The following PTPRT variants were observed in gnomAD, a reference collection of about 807,000 sequenced individuals.
The protein encoded by PTPRT is protein tyrosine phosphatase receptor type T.
In PTPRT, 56 loss-of-function variants were observed where a neutral mutation model predicts 176.8. The ratio of observed to expected loss-of-function variants is 0.32; its 90% confidence interval spans 0.26 to 0.40. PTPRT has a LOEUF of 0.40. Ranked by LOEUF, PTPRT falls within the 10% of genes least tolerant of loss-of-function variation. The pLI, the probability that PTPRT is intolerant of heterozygous loss-of-function variation, is 1.00. For missense variants in PTPRT, 1,540 were observed against 1,908.2 expected, an observed-to-expected ratio of 0.81 and a Z score of 3.60; for synonymous variants, 783 against 739.0, an observed-to-expected ratio of 1.06 and a Z score of -0.96.
chr20:42,874,450 G>T (rs998251907), intron 2 of PTPRT, among the ~76,000 whole-genome samples: 2 of 151,754 alleles, frequency 1.3e-5, no homozygotes, highest in Non-Finnish European at 2.9e-5. Context: ...CAAAAAAAAA[G>T]TTTTCGGGCA....
intron 1 of PTPRT, among the ~76,000 whole-genome samples, chr20:43,057,285 AGGGGAGGGGAGGGG>A (rs1987279617): frequency 1.3e-5 from 1 of 78,292 alleles, no homozygotes; most frequent in Non-Finnish European, 2.4e-5. Flanking sequence ...AAGGGGGGGA[AGGGGAGGGGAGGGG>A]GGAAGGAATG....
chr20:42,528,022 A>T (rs561094050), intron 7 of PTPRT, among the ~76,000 whole-genome samples: 2 of 152,242 alleles, frequency 1.3e-5, no homozygotes, highest in African/African-American at 4.8e-5. Context: ...TCATAGGCCA[A>T]GGATGAAATC....
At chr20:42,421,264 G>A (rs907118747) in intron 9 of PTPRT, among the ~76,000 whole-genome samples, 16 of 117,720 alleles carry the variant, frequency 1.4e-4, no homozygotes, top group Middle Eastern at 4.2e-3. Flanking sequence ...ACGCACGCAC[G>A]CACACACACA....
intron 7 of PTPRT, among the ~76,000 whole-genome samples, chr20:42,520,606 T>C (rs1199317163): frequency 1.3e-5 from 2 of 152,216 alleles, no homozygotes; most frequent in East Asian, 1.9e-4. Context: ...TACAGGGTCA[T>C]TGCATCTACA....
intron 1 of PTPRT, among the ~76,000 whole-genome samples, chr20:42,921,703 T>A (rs1415280636): frequency 6.6e-6 from 1 of 152,194 alleles, no homozygotes; most frequent in Non-Finnish European, 1.5e-5. Context: ...AATTCTGTAA[T>A]CTATAGCGGC....
chr20:42,465,662 T>G (rs2071090783), intron 8 of PTPRT, among the ~76,000 whole-genome samples: 1 of 152,186 alleles, frequency 6.6e-6, no homozygotes, highest in Non-Finnish European at 1.5e-5. Context: ...CAGAAAGGAA[T>G]GAAAATAGCT....
rs2146077593 is a variant in PTPRT at position 42,079,261 on chromosome 20, C to G, written c.*1618G>C. ...CTGCGCTTCCCAGAAGAACTGGCAT[C>G]AGGAAGAAAGTACTAAATTTCCATT... On this transcript the variant is annotated 3_prime_UTR_variant, in exon 31 of 31. Coordinates refer to ENST00000373187, the MANE Select transcript of PTPRT (RefSeq NM_007050.6). The G allele has an allele frequency of 4.8e-6, 1 of 208,060 alleles. No individual in the cohort carries two copies. The highest frequency in any genetic ancestry group is 1.9e-4 in the South Asian group (1 of 5,280). The allele number at this position is 208,060 out of a possible 1,614,324, so 12.9% of individuals were successfully genotyped here. A position where few individuals can be genotyped will look rare whatever the true frequency, so the allele number is the denominator to read the frequency against.
chr20:42,929,109 C>T (rs1382218920), intron 1 of PTPRT, among the ~76,000 whole-genome samples: 1 of 152,206 alleles, frequency 6.6e-6, no homozygotes, highest in South Asian at 2.1e-4. Flanking sequence ...GAAGGAAGTT[C>T]GGACACATGT....
chr20:43,101,509 T>A (rs2012390927), intron 1 of PTPRT, among the ~76,000 whole-genome samples: 1 of 152,156 alleles, frequency 6.6e-6, no homozygotes, highest in African/African-American at 2.4e-5. Context: ...ATAGCTCTAA[T>A]GATTAAATGA....
At chr20:42,810,479 G>A (rs1461587602) in intron 2 of PTPRT, among the ~76,000 whole-genome samples, 1 of 152,158 alleles carries the variant, frequency 6.6e-6, no homozygotes, top group African/African-American at 2.4e-5. Context: ...CTATGGGACT[G>A]GTCTGGTCAG....
At chr20:42,094,762 C>T (rs1347145564) in intron 27 of PTPRT, among the ~76,000 whole-genome samples, 3 of 152,094 alleles carry the variant, frequency 2.0e-5, no homozygotes, top group African/African-American at 7.2e-5. Context: ...TGGTGGCTCA[C>T]CCCTGTAATC....
At chr20:42,634,042 T>A (rs1314344299) in intron 7 of PTPRT, among the ~76,000 whole-genome samples, 3 of 28,124 alleles carry the variant, frequency 1.1e-4, no homozygotes, top group African/African-American at 6.3e-4. Context: ...TTATATATAT[T>A]ATATATATAT....
intron 1 of PTPRT, among the ~76,000 whole-genome samples, chr20:43,006,820 A>AGCACT (rs1984877446): frequency 6.6e-6 from 1 of 152,186 alleles, no homozygotes; most frequent in Admixed American, 6.5e-5. Flanking sequence ...TGAGAAGTCT[A>AGCACT]GCACTTGGGC....
At chr20:42,377,874 A>G (rs1227674893) in intron 9 of PTPRT, among the ~76,000 whole-genome samples, 1 of 152,248 alleles carries the variant, frequency 6.6e-6, no homozygotes, top group African/African-American at 2.4e-5. Flanking sequence ...CACAAAAATA[A>G]CACTATAGGA....
intron 9 of PTPRT, among the ~76,000 whole-genome samples, chr20:42,366,517 A>G (rs2058516781): frequency 1.3e-5 from 2 of 150,962 alleles, no homozygotes; most frequent in Non-Finnish European, 3.0e-5. Context: ...GTCATTGACC[A>G]CTCTGCCCTC....
intron 6 of PTPRT, among the ~76,000 whole-genome samples, chr20:42,729,500 G>A (rs542144947): frequency 6.6e-5 from 10 of 152,320 alleles, no homozygotes; most frequent in South Asian, 2.1e-4. Context: ...GTCAGCTCTC[G>A]CTGCATGCAA....
intron 2 of PTPRT, among the ~76,000 whole-genome samples, chr20:42,795,350 C>A (rs537613186): frequency 6.6e-6 from 1 of 152,140 alleles, no homozygotes; most frequent in Admixed American, 6.5e-5. Flanking sequence ...CCTTGATAAG[C>A]GCCTCGTTAT....
intron 27 of PTPRT, among the ~76,000 whole-genome samples, chr20:42,087,678 A>G (rs1452008937): frequency 6.6e-6 from 1 of 150,968 alleles, no homozygotes; most frequent in African/African-American, 2.4e-5. Context: ...GTTCGAGACC[A>G]GCTTGGCCAA....
At chr20:43,019,902 G>C (rs974628058) in intron 1 of PTPRT, among the ~76,000 whole-genome samples, 9 of 151,766 alleles carry the variant, frequency 5.9e-5, no homozygotes, top group African/African-American at 1.9e-4. Context: ...CAACCCTCTG[G>C]GCTCTCAAAA....
Sources: allele counts gnomAD v4.1 joint callset (sites outside exome capture counted in the v4.1 genomes callset), GRCh38; gene constraint gnomAD v4.1.1; transcripts MANE v1.5; gene names NCBI Gene and HGNC (gene_info 2026-07-23, HGNC 2026-07-21).